The following DPP6 variants were observed in gnomAD, a reference collection of about 807,000 sequenced individuals.
The protein encoded by DPP6 is A-type potassium channel modulatory protein DPP6.
A neutral mutation model predicts 122.6 loss-of-function variants in DPP6; 69 were observed. The observed-to-expected ratio is 0.56, with a 90% CI of 0.46 to 0.69. DPP6 has a LOEUF of 0.69. Ranked by LOEUF, DPP6 falls within the 30% of genes least tolerant of loss-of-function variation. DPP6 has a pLI of 0.00. For synonymous variants in DPP6, 418 were observed against 433.1 expected, an observed-to-expected ratio of 0.97 and a Z score of 0.43; for missense variants, 928 against 1,116.9, an observed-to-expected ratio of 0.83 and a Z score of 2.41.
chr7:154,215,597 G>A lies in DPP6; in HGVS notation c.243+162534G>A, dbSNP rs115681141. ...TGTCTCTCCCAGTAGATTGATAATG[G>A]CAGGAGGAGAAAGGGCCTTTCCTAT... On this transcript the variant is annotated intron_variant, in intron 1 of 25. Transcript: ENST00000377770. 5.8e-3 allele frequency among the ~76,000 whole-genome samples: 887 copies of A among 152,236 alleles called. 12 individuals carry two copies. The highest frequency in any genetic ancestry group is 0.02 in the African/African-American group (847 of 41,540).
intron 1 of DPP6, among the ~76,000 whole-genome samples, chr7:153,891,296 AC>A (rs1366364635): frequency 6.6e-6 from 1 of 152,116 alleles, no homozygotes; most frequent in East Asian, 1.9e-4. Flanking sequence ...TGCTGGGATT[AC>A]AGGCGTGAGC....
the DPP6 span, among the ~76,000 whole-genome samples, chr7:153,756,339 T>C: frequency 6.6e-6 from 1 of 151,398 alleles, no homozygotes; most frequent in Non-Finnish European, 1.5e-5. Context: ...TTTAGTCCTC[T>C]CATTTCAAAA....
At chr7:154,443,357 A>G (rs202112228) in intron 1 of DPP6, among the ~76,000 whole-genome samples, 14 of 100,422 alleles carry the variant, frequency 1.4e-4, no homozygotes, top group Non-Finnish European at 2.0e-4. Context: ...AAAAAAAATG[A>G]AAAAAAAAAT....
At chr7:154,113,933 T>C (rs1003712526) in intron 1 of DPP6, among the ~76,000 whole-genome samples, 1 of 152,218 alleles carries the variant, frequency 6.6e-6, no homozygotes, top group Admixed American at 6.5e-5. Flanking sequence ...ACGCCCACAG[T>C]CACTGCTTCT....
At chr7:154,412,999 G>A (rs978446020) in intron 1 of DPP6, among the ~76,000 whole-genome samples, 5 of 152,180 alleles carry the variant, frequency 3.3e-5, no homozygotes, top group Non-Finnish European at 5.9e-5. Context: ...TGGTCCAAGA[G>A]GCATCAGCAT....
chr7:153,818,955 T>C, the DPP6 span, among the ~76,000 whole-genome samples: 2 of 151,360 alleles, frequency 1.3e-5, no homozygotes, highest in African/African-American at 4.9e-5. Context: ...TTTCACCACG[T>C]TGGCAAGGCT....
At chr7:154,834,311 C>A (rs1422883247) in intron 16 of DPP6, among the ~76,000 whole-genome samples, 82 of 134,470 alleles carry the variant, frequency 6.1e-4, no homozygotes, top group Non-Finnish European at 7.4e-4. Context: ...CTACTAAATA[C>A]AAAAAAAAAA....
At chr7:154,559,088 G>A (rs959200734) in intron 4 of DPP6, among the ~76,000 whole-genome samples, 1 of 151,884 alleles carries the variant, frequency 6.6e-6, no homozygotes, top group South Asian at 2.1e-4. Flanking sequence ...ACAAAGATAA[G>A]GGAATTAGCA....
At chr7:154,312,203 T>C (rs1172360287) in intron 1 of DPP6, among the ~76,000 whole-genome samples, 1 of 152,214 alleles carries the variant, frequency 6.6e-6, no homozygotes, top group Non-Finnish European at 1.5e-5. Context: ...ACAGATCCTG[T>C]TGCTGCTTTC....
intron 8 of DPP6, among the ~76,000 whole-genome samples, chr7:154,736,635 G>C (rs1165416785): frequency 6.6e-6 from 1 of 152,132 alleles, no homozygotes; most frequent in African/African-American, 2.4e-5. Context: ...AATTCTTCCA[G>C]CTCTTGTCGT....
At chr7:153,901,979 C>T (rs1163172336) in intron 1 of DPP6, among the ~76,000 whole-genome samples, 1 of 152,134 alleles carries the variant, frequency 6.6e-6, no homozygotes. Flanking sequence ...CTGGAAATTC[C>T]CTTGTGGAAT....
chr7:154,000,891 C>T (rs1280501256), intron 1 of DPP6, among the ~76,000 whole-genome samples: 1 of 152,178 alleles, frequency 6.6e-6, no homozygotes, highest in Non-Finnish European at 1.5e-5. Context: ...AGTCACATTG[C>T]TACACTGTAC....
the DPP6 span, among the ~76,000 whole-genome samples, chr7:153,846,538 T>A: frequency 3.3e-5 from 5 of 152,200 alleles, no homozygotes; most frequent in East Asian, 9.6e-4. Flanking sequence ...TTAAACTTAT[T>A]TTATGGCCCG....
intron 1 of DPP6, among the ~76,000 whole-genome samples, chr7:154,071,948 T>TA (rs1349107065): frequency 6.6e-6 from 1 of 152,094 alleles, no homozygotes; most frequent in Non-Finnish European, 1.5e-5. Flanking sequence ...AGCAAACAAA[T>TA]ACAATCCCCC....
chr7:154,680,067 A>G (rs1223904834), intron 7 of DPP6, among the ~76,000 whole-genome samples: 2 of 152,190 alleles, frequency 1.3e-5, no homozygotes, highest in Admixed American at 1.3e-4. Context: ...GAATTAGGAA[A>G]TAATTATGGG....
At chr7:154,767,987 G>A (rs969242978) in intron 8 of DPP6, among the ~76,000 whole-genome samples, 2 of 152,200 alleles carry the variant, frequency 1.3e-5, no homozygotes, top group Non-Finnish European at 2.9e-5. Context: ...TCAGTGCCAT[G>A]CCAGATGCCA....
At chr7:154,771,918 G>T (rs901953123) in intron 9 of DPP6, among the ~76,000 whole-genome samples, 1 of 152,192 alleles carries the variant, frequency 6.6e-6, no homozygotes, top group African/African-American at 2.4e-5. Context: ...CTTACCAGCT[G>T]TTCACAGCCA....
At chr7:154,182,366 T>C (rs1798134343) in intron 1 of DPP6, among the ~76,000 whole-genome samples, 1 of 152,134 alleles carries the variant, frequency 6.6e-6, no homozygotes, top group African/African-American at 2.4e-5. Context: ...ATTGCTGACC[T>C]ACCAGGGGGC....
intron 1 of DPP6, among the ~76,000 whole-genome samples, chr7:154,063,193 G>A (rs1393297739): frequency 1.7e-5 from 2 of 119,392 alleles, no homozygotes; most frequent in Admixed American, 8.8e-5. Flanking sequence ...TACCCCCATC[G>A]CAGGGTTGGG....
Sources: gnomAD v4.1 joint callset for allele counts (sites outside exome capture counted in the v4.1 genomes callset) on GRCh38, gnomAD v4.1.1 for gene constraint, MANE v1.5 for transcripts, NCBI Gene and HGNC (gene_info 2026-07-23, HGNC 2026-07-21) for gene names.